Variants in PRSS23 observed in about 807,000 individuals in gnomAD.
The protein encoded by PRSS23 is protease, serine 23.
PRSS23 carries 25 observed loss-of-function variants against 34.7 expected under a neutral mutation model. The observed-to-expected ratio is 0.72, with a 90% CI of 0.53 to 1.01. PRSS23 has a LOEUF of 1.01. Ranked by LOEUF, PRSS23 falls within the 50% of genes least tolerant of loss-of-function variation. The pLI is 0.00. For synonymous variants in PRSS23, 176 were observed against 186.6 expected (o/e 0.94, Z 0.46); for missense variants, 445 against 475.6 (o/e 0.94, Z 0.60).
At chr11:86,826,459 C>T (rs1377433145) in intron 2 of PRSS23, among the ~76,000 whole-genome samples, 1 of 152,284 alleles carries the variant, frequency 6.6e-6, no homozygotes, top group East Asian at 1.9e-4. Context: ...TTGACTTCTT[C>T]TTTTCCTAAT....
At chr11:86,824,336 AAAAT>A (rs1278700033) in intron 2 of PRSS23, among the ~76,000 whole-genome samples, 39 of 122,688 alleles carry the variant, frequency 3.2e-4, no homozygotes, top group Admixed American at 3.1e-3. Flanking sequence ...AAATAAAAAT[AAAAT>A]AAAATAAAAT....
chr11:86,893,103 A>G (rs938075748), intron 2 of PRSS23, among the ~76,000 whole-genome samples: 2 of 152,184 alleles, frequency 1.3e-5, no homozygotes, highest in African/African-American at 2.4e-5. Context: ...GAAGATGAAA[A>G]CAGAGATTGC....
chr11:86,861,982 T>C (rs984680210), intron 2 of PRSS23, among the ~76,000 whole-genome samples: 1 of 151,690 alleles, frequency 6.6e-6, no homozygotes, highest in Non-Finnish European at 1.5e-5. Flanking sequence ...GTTTGCAATA[T>C]ACAGGGGGTG....
chr11:86,839,660 C>T (rs1459815282), intron 2 of PRSS23, among the ~76,000 whole-genome samples: 1 of 151,868 alleles, frequency 6.6e-6, no homozygotes, highest in African/African-American at 2.4e-5. Flanking sequence ...TCAGATTCAC[C>T]AAGGTTGAAA....
At chr11:86,807,558 C>G in intron 1 of PRSS23, 73 bp from the exon 2 acceptor site, 1 of 1,354,556 alleles carries the variant, frequency 7.4e-7, no homozygotes. Flanking sequence ...AGGCCTGCTG[C>G]TGAGCTTTGC....
intron 1 of PRSS23, chr11:86,821,750 G>T: frequency 7.7e-7 from 1 of 1,304,968 alleles, no homozygotes; most frequent in Middle Eastern, 2.5e-4. Flanking sequence ...TGTTCGTCAG[G>T]CCAATTATAA....
At chr11:86,951,950 T>A in exon 3 of PRSS23, 2 of 1,613,848 alleles carry the variant, frequency 1.2e-6, no homozygotes, top group South Asian at 2.2e-5. Flanking sequence ...CCTGACAATA[T>A]AAGCAATGCT....
intron 2 of PRSS23, among the ~76,000 whole-genome samples, chr11:86,922,580 T>C (rs1193494474): frequency 6.6e-6 from 1 of 152,234 alleles, no homozygotes; most frequent in Admixed American, 6.5e-5. Flanking sequence ...ATACAATACC[T>C]GGGACACAGT....
intron 2 of PRSS23, among the ~76,000 whole-genome samples, chr11:86,896,904 C>T (rs1238813919): frequency 1.3e-5 from 2 of 152,336 alleles, no homozygotes; most frequent in Middle Eastern, 3.4e-3. Context: ...GTTAACAAAA[C>T]GCCATCCTAT....
intron 2 of PRSS23, among the ~76,000 whole-genome samples, chr11:86,831,548 T>C (rs1948355844): frequency 6.6e-6 from 1 of 150,848 alleles, no homozygotes; most frequent in African/African-American, 2.4e-5. Flanking sequence ...AATGTTACTC[T>C]TAATATCACC....
chr11:86,932,409 T>A (rs1324976837), intron 2 of PRSS23, among the ~76,000 whole-genome samples: 2 of 152,140 alleles, frequency 1.3e-5, no homozygotes, highest in African/African-American at 4.8e-5. Context: ...GCCATCACCA[T>A]CAGTGACACG....
At chr11:86,794,738 T>C (rs938253066) in intron 1 of PRSS23, among the ~76,000 whole-genome samples, 1 of 152,182 alleles carries the variant, frequency 6.6e-6, no homozygotes, top group African/African-American at 2.4e-5. Flanking sequence ...TTAAGTGCTG[T>C]AGAGATTTGA....
chr11:86,853,533 G>T (rs1317273106), intron 2 of PRSS23, among the ~76,000 whole-genome samples: 1 of 152,050 alleles, frequency 6.6e-6, no homozygotes, highest in East Asian at 1.9e-4. Context: ...AGGATTACAG[G>T]TGTGAGCCAC....
intron 2 of PRSS23, among the ~76,000 whole-genome samples, chr11:86,906,750 T>G (rs1948945885): frequency 6.6e-6 from 1 of 152,068 alleles, no homozygotes; most frequent in Non-Finnish European, 1.5e-5. Flanking sequence ...AAGCAATGTC[T>G]ATTTAGGGAG....
chr11:86,833,015 AC>A, intron 2 of PRSS23: 4 of 434,050 alleles, frequency 9.2e-6, no homozygotes, highest in South Asian at 2.1e-5. Flanking sequence ...AAAAAAAAAA[AC>A]ACAAAACTAG....
intron 2 of PRSS23, among the ~76,000 whole-genome samples, chr11:86,827,285 A>G (rs1244385203): frequency 1.3e-5 from 2 of 151,922 alleles, no homozygotes; most frequent in Admixed American, 6.6e-5. Context: ...TTGCGTAGAG[A>G]TGTTTGTAGT....
chr11:86,819,681 C>T (rs1188529839), intron 1 of PRSS23, among the ~76,000 whole-genome samples: 2 of 152,192 alleles, frequency 1.3e-5, no homozygotes, highest in South Asian at 2.1e-4. Context: ...CAGTATACTA[C>T]TGTTCCCCAC....
intron 2 of PRSS23, among the ~76,000 whole-genome samples, chr11:86,883,049 T>G (rs1195652180): frequency 6.6e-6 from 1 of 152,256 alleles, no homozygotes; most frequent in Non-Finnish European, 1.5e-5. Context: ...TTAATGGTGT[T>G]GTTTGTTTCT....
chr11:86,795,958 G>GT (rs1947977934), upstream of PRSS23, among the ~76,000 whole-genome samples: 1 of 152,166 alleles, frequency 6.6e-6, no homozygotes, highest in Admixed American at 6.5e-5. Flanking sequence ...TTGAGTTGAG[G>GT]TTGAGTTTAG....
Sources: gnomAD v4.1 joint callset for allele counts (sites outside exome capture counted in the v4.1 genomes callset) on GRCh38, gnomAD v4.1.1 for gene constraint, MANE v1.5 for transcripts, NCBI Gene and HGNC (gene_info 2026-07-23, HGNC 2026-07-21) for gene names.